The following TNPO1 variants were observed in gnomAD, a reference collection of about 807,000 sequenced individuals.
TNPO1 encodes the protein transportin-1.
Under a neutral mutation model 119.5 loss-of-function variants are expected in TNPO1, and 8 were observed. The observed-to-expected ratio is 0.07, with a 90% confidence interval of 0.04 to 0.12. The LOEUF is 0.12. Among genes scored for constraint, TNPO1 ranks in the 10% least tolerant of loss-of-function variants. TNPO1 has a pLI of 1.00. For synonymous variants in TNPO1, 362 were observed against 363.0 expected (o/e 1.00, Z 0.03); for missense variants, 576 against 1,089.8 (o/e 0.53, Z 6.64).
At chr5:72,874,012 G>T (rs982421989) in intron 7 of TNPO1, among the ~76,000 whole-genome samples, 1 of 151,902 alleles carries the variant, frequency 6.6e-6, no homozygotes, top group Non-Finnish European at 1.5e-5. Flanking sequence ...ACCTTATAAG[G>T]AAATATAATC....
At chr5:72,878,914 G>T in intron 9 of TNPO1, 1 of 512,574 alleles carries the variant, frequency 2.0e-6, no homozygotes, top group Non-Finnish European at 4.0e-6. Context: ...GTGTCCAATG[G>T]TCTCAGCAGG....
chr5:72,818,957 T>C (rs1472650970), intron 1 of TNPO1, among the ~76,000 whole-genome samples: 1 of 152,226 alleles, frequency 6.6e-6, no homozygotes, highest in Non-Finnish European at 1.5e-5. Flanking sequence ...TGAAGGAGTC[T>C]TCTGGGTTGT....
At chr5:72,849,696 A>G (rs1337182600) in intron 2 of TNPO1, among the ~76,000 whole-genome samples, 1 of 152,208 alleles carries the variant, frequency 6.6e-6, no homozygotes, top group Non-Finnish European at 1.5e-5. Flanking sequence ...TGGATTTTTT[A>G]AAGCCATTTT....
At position 72,846,224 on chromosome 5, in the gene TNPO1, G is replaced by A. The variant is rs115242452; in HGVS notation, c.16-2161G>A. Among the ~76,000 whole-genome samples the A allele has an allele frequency of 5.4e-3, 820 of 152,260 alleles. 4 individuals carry two copies. Among genetic ancestry groups the A allele is most frequent in the African/African-American group, 0.019 (769 of 41,536 alleles). ...ACATTGGTACAAGAATTTTTTTGCT[G>A]TGTTGTTGGTAGTGGCAAAAAAGTA... is the stretch of plus-strand genomic sequence containing the variant. On this transcript the variant is annotated intron_variant, in intron 1 of 24. Transcript: ENST00000337273.
intron 1 of TNPO1, among the ~76,000 whole-genome samples, chr5:72,839,398 T>C (rs1396662871): frequency 6.6e-6 from 1 of 152,152 alleles, no homozygotes; most frequent in Non-Finnish European, 1.5e-5. Flanking sequence ...GTGTGTGTTG[T>C]TATTATTTAC....
At chr5:72,848,017 T>C (rs940469717) in intron 1 of TNPO1, 5 of 980,330 alleles carry the variant, frequency 5.1e-6, no homozygotes, top group Non-Finnish European at 6.1e-6. Context: ...TCAGTAGTAA[T>C]CTGGACGGAA....
chr5:72,821,179 T>C (rs1240109222), intron 1 of TNPO1, among the ~76,000 whole-genome samples: 1 of 93,976 alleles, frequency 1.1e-5, no homozygotes, highest in African/African-American at 4.3e-5. Flanking sequence ...GTTAAATTTA[T>C]ACTGAAAATT....
At chr5:72,893,729 A>G (rs752951572) in intron 18 of TNPO1, 26 bp downstream of exon 18, 5 of 1,593,532 alleles carry the variant, frequency 3.1e-6, no homozygotes. Flanking sequence ...ACTGCTATGA[A>G]TATGGTTTTT....
chr5:72,816,683 C>G lies in TNPO1; in HGVS notation c.-55C>G, dbSNP rs1271685362. The G allele has an allele frequency of 3.9e-6, 6 of 1,525,648 alleles. No individual in the cohort carries two copies. Among genetic ancestry groups the G allele is most frequent in the East Asian group, 2.6e-5 (1 of 38,364 alleles). The allele number at this position is 1,525,648 out of a possible 1,614,324, so 94.5% of individuals were successfully genotyped here. On this transcript the variant is annotated 5_prime_UTR_variant, in exon 1 of 25. Transcript: ENST00000337273. ...TTTGTTCCGCAGCCATTTCAGGCCC[C>G]GGACAGGAGGCAGTGCCGCTTCGGC...
At chr5:72,887,294 A>G (rs542728089) in intron 12 of TNPO1, 72 bp downstream of exon 12, 6 of 1,056,990 alleles carry the variant, frequency 5.7e-6, no homozygotes, top group Admixed American at 2.8e-5. Context: ...AGGCTAGGCT[A>G]CTTTAAGGAA....
At chr5:72,879,339 T>C (rs1748056570) in intron 9 of TNPO1, among the ~76,000 whole-genome samples, 1 of 152,230 alleles carries the variant, frequency 6.6e-6, no homozygotes, top group Admixed American at 6.5e-5. Flanking sequence ...AAACCTAGGC[T>C]ATAACATTAG....
intron 11 of TNPO1, among the ~76,000 whole-genome samples, chr5:72,883,541 T>A (rs968744673): frequency 6.6e-5 from 10 of 152,238 alleles, no homozygotes; most frequent in African/African-American, 2.4e-4. Context: ...TTTGTGACCA[T>A]CTTCTTTAAC....
intron 2 of TNPO1, among the ~76,000 whole-genome samples, chr5:72,849,904 G>A (rs1233401035): frequency 2.0e-5 from 3 of 152,196 alleles, no homozygotes; most frequent in Non-Finnish European, 4.4e-5. Flanking sequence ...ATCCTGCATT[G>A]TAGTTATTCT....
chr5:72,892,661 T>C (rs564897900), intron 15 of TNPO1, among the ~76,000 whole-genome samples: 1 of 152,332 alleles, frequency 6.6e-6, no homozygotes, highest in Admixed American at 6.5e-5. Flanking sequence ...ATATGGCCTA[T>C]GCACCTCCTC....
At chr5:72,892,737 A>G (rs146085588) in intron 15 of TNPO1, among the ~76,000 whole-genome samples, 5 of 152,308 alleles carry the variant, frequency 3.3e-5, no homozygotes, top group South Asian at 2.1e-4. Flanking sequence ...GGTTGAATCC[A>G]TAGATACAGA....
intron 23 of TNPO1, among the ~76,000 whole-genome samples, chr5:72,904,474 A>G (rs1418207694): frequency 6.6e-6 from 1 of 152,156 alleles, no homozygotes; most frequent in Non-Finnish European, 1.5e-5. Flanking sequence ...AGGCACGTGT[A>G]TTAGTCCATA....
chr5:72,826,327 G>A lies in TNPO1; in HGVS notation c.15+9575G>A, dbSNP rs954264216. Among the ~76,000 whole-genome samples, 5 of 151,966 alleles carry A rather than the reference G, an allele frequency of 3.3e-5. No individual in the cohort carries two copies. In the East Asian group the frequency reaches 9.6e-4, roughly 29 times the overall value. On this transcript the variant is annotated intron_variant, in intron 1 of 24. Transcript: ENST00000337273. ...TGCCCTGTTTTTGTACATCCTATAA[G>A]CAAAAGAATGGTTTTTACATTTTTA... is the stretch of plus-strand genomic sequence containing the variant.
In TNPO1 at chr5:72,855,273, TA is replaced by T. The variant is rs60214940; in HGVS notation, c.206-490del. Among the ~76,000 whole-genome samples, 31 of 146,362 alleles carry T rather than the reference TA, an allele frequency of 2.1e-4. No individual in the cohort carries two copies. In the East Asian group the frequency reaches 3.8e-3, roughly 18 times the overall value. The stretch of plus-strand genomic sequence containing the variant: ...AGGCATGAACCACCACGCCCAGCCT[TA>T]AAAAAAAAAACCAGCAACAAAATTT... On this transcript the variant is annotated intron_variant, in intron 3 of 24. Transcript: ENST00000337273.
chr5:72,882,298 A>G (rs968019113), intron 9 of TNPO1, among the ~76,000 whole-genome samples, 169 bp from the exon 10 acceptor site: 2 of 152,174 alleles, frequency 1.3e-5, no homozygotes, highest in Non-Finnish European at 2.9e-5. Flanking sequence ...CCTTTTCTCT[A>G]TTAGCGTTTC....
Sources: gnomAD v4.1 joint callset for allele counts (sites outside exome capture counted in the v4.1 genomes callset) on GRCh38, gnomAD v4.1.1 for gene constraint, MANE v1.5 for transcripts, NCBI Gene and HGNC (gene_info 2026-07-23, HGNC 2026-07-21) for gene names.